RMDN2: variants seen among roughly 807,000 people sequenced by gnomAD.
RMDN2 encodes regulator of microtubule dynamics protein 2.
A neutral mutation model predicts 52.8 loss-of-function variants in RMDN2; 61 were observed. That is an observed-to-expected ratio of 1.16 (90% CI 0.94 to 1.43). The LOEUF (loss-of-function observed/expected upper bound fraction) is 1.43. RMDN2 is among the 40% of genes most tolerant of loss of function. RMDN2 has a pLI of 0.00. For synonymous variants in RMDN2, 180 were observed against 153.1 expected (o/e 1.18, Z -1.30); for missense variants, 592 against 475.3 (o/e 1.25, Z -2.28).
intron 5 of RMDN2, among the ~76,000 whole-genome samples, chr2:37,983,896 TA>T (rs1469382461): frequency 6.6e-6 from 1 of 152,148 alleles, no homozygotes; most frequent in African/African-American, 2.4e-5. Flanking sequence ...TTTTTGTAAA[TA>T]AAGTTTTATT....
At chr2:38,052,991 G>GATGTCAAGGCTGCCAA (rs1382954462) in intron 10 of RMDN2, among the ~76,000 whole-genome samples, 1 of 152,170 alleles carries the variant, frequency 6.6e-6, no homozygotes, top group African/African-American at 2.4e-5. Context: ...CAACTTTACA[G>GATGTCAAGGCTGCCAA]ATGTCAAGGC....
downstream of RMDN2, among the ~76,000 whole-genome samples, chr2:38,020,457 T>C (rs1436718938): frequency 1.3e-5 from 2 of 152,224 alleles, no homozygotes; most frequent in African/African-American, 4.8e-5. Flanking sequence ...TGGGAGCCCC[T>C]TCCTGAGCTG....
At chr2:38,015,182 G>A (rs965794750) in intron 10 of RMDN2, among the ~76,000 whole-genome samples, 3 of 152,260 alleles carry the variant, frequency 2.0e-5, no homozygotes, top group African/African-American at 7.2e-5. Flanking sequence ...TCTGGGTTCT[G>A]CCCTTCTGGC....
At chr2:37,993,516 GA>G (rs1244801442) in intron 7 of RMDN2, among the ~76,000 whole-genome samples, 3,331 of 123,776 alleles carry the variant, frequency 0.027, 85 homozygotes, top group African/African-American at 0.077. Context: ...AGAACCTACA[GA>G]AAAAAAAAAA....
chr2:37,964,893 G>C (rs1298697834), intron 2 of RMDN2, among the ~76,000 whole-genome samples: 6 of 152,100 alleles, frequency 3.9e-5, no homozygotes, highest in East Asian at 1.9e-4. Flanking sequence ...AATTCTGTCA[G>C]TGTTTGCTTC....
intron 2 of RMDN2, among the ~76,000 whole-genome samples, chr2:37,970,242 G>A (rs763385577): frequency 6.6e-6 from 1 of 151,956 alleles, no homozygotes; most frequent in Non-Finnish European, 1.5e-5. Context: ...TTAAGGCTTT[G>A]GTATTTCTTT....
At chr2:37,982,848 T>G (rs935139666) in intron 5 of RMDN2, among the ~76,000 whole-genome samples, 9 of 152,184 alleles carry the variant, frequency 5.9e-5, no homozygotes, top group Non-Finnish European at 1.2e-4. Context: ...AATTAACATA[T>G]ATGTTAAAGT....
At chr2:37,992,513 C>G (rs1290127574) in intron 7 of RMDN2, among the ~76,000 whole-genome samples, 1 of 152,198 alleles carries the variant, frequency 6.6e-6, no homozygotes, top group Admixed American at 6.5e-5. Context: ...CTTCCAACAA[C>G]TCACATGTTT....
chr2:38,048,835 C>A (rs1681426501), intron 10 of RMDN2, among the ~76,000 whole-genome samples: 1 of 152,172 alleles, frequency 6.6e-6, no homozygotes, highest in Non-Finnish European at 1.5e-5. Context: ...GCAGGGAGAA[C>A]TACAAATCTA....
At chr2:37,958,351 A>C (rs993880616) in intron 2 of RMDN2, among the ~76,000 whole-genome samples, 1 of 151,318 alleles carries the variant, frequency 6.6e-6, no homozygotes, top group Non-Finnish European at 1.5e-5. Context: ...TTCTTGAAGA[A>C]GTCCTTCACA....
At chr2:38,027,808 A>T (rs1300396951) in intron 10 of RMDN2, among the ~76,000 whole-genome samples, 1 of 152,232 alleles carries the variant, frequency 6.6e-6, no homozygotes, top group African/African-American at 2.4e-5. Flanking sequence ...TGAAAATCGC[A>T]TGTGGAAATG....
intron 10 of RMDN2, among the ~76,000 whole-genome samples, chr2:38,034,658 C>T (rs1472182461): frequency 2.0e-5 from 3 of 151,124 alleles, no homozygotes; most frequent in African/African-American, 7.3e-5. Flanking sequence ...GCTCTCCAAA[C>T]TTTCTTATTT....
intron 4 of RMDN2, among the ~76,000 whole-genome samples, chr2:37,980,245 T>C (rs1014445416): frequency 3.3e-5 from 5 of 152,180 alleles, no homozygotes; most frequent in Non-Finnish European, 7.4e-5. Flanking sequence ...TTCTGTTTTA[T>C]TTGCAGGTAT....
intron 10 of RMDN2, among the ~76,000 whole-genome samples, chr2:38,056,476 G>A (rs1218052976): frequency 6.6e-6 from 1 of 152,148 alleles, no homozygotes; most frequent in African/African-American, 2.4e-5. Flanking sequence ...TTTTATAACA[G>A]TTTTATCTTA....
chr2:37,978,596 C>T (rs1672877667), intron 4 of RMDN2, among the ~76,000 whole-genome samples: 1 of 151,936 alleles, frequency 6.6e-6, no homozygotes, highest in Non-Finnish European at 1.5e-5. Context: ...GAGGCCAAGG[C>T]GGGCAGATAG....
intron 10 of RMDN2, among the ~76,000 whole-genome samples, chr2:38,065,620 T>C (rs1319625512): frequency 6.6e-6 from 1 of 152,162 alleles, no homozygotes; most frequent in South Asian, 2.1e-4. Flanking sequence ...TGGCCAGTGC[T>C]CACGGGCTCT....
chr2:37,924,833 A>C (rs1666143991), upstream of RMDN2, among the ~76,000 whole-genome samples: 1 of 152,252 alleles, frequency 6.6e-6, no homozygotes, highest in Non-Finnish European at 1.5e-5. Flanking sequence ...ATTAAAAGAA[A>C]ACGTGAGATA....
intron 2 of RMDN2, among the ~76,000 whole-genome samples, chr2:37,931,642 T>C (rs976588175): frequency 2.0e-5 from 3 of 152,240 alleles, no homozygotes; most frequent in African/African-American, 4.8e-5. Flanking sequence ...AGGCAAACTT[T>C]GATAAGTTTA....
At chr2:37,936,231 T>G (rs1267916892) in intron 2 of RMDN2, among the ~76,000 whole-genome samples, 1 of 152,224 alleles carries the variant, frequency 6.6e-6, no homozygotes, top group East Asian at 1.9e-4. Flanking sequence ...CATGATCTCA[T>G]TCTTTTTTAG....
Sources: allele counts gnomAD v4.1 joint callset (sites outside exome capture counted in the v4.1 genomes callset), GRCh38; gene constraint gnomAD v4.1.1; transcripts MANE v1.5; gene names NCBI Gene and HGNC (gene_info 2026-07-23, HGNC 2026-07-21).